ATAD3A: variants seen among roughly 807,000 people sequenced by gnomAD.
ATAD3A encodes the protein ATPase family AAA domain containing 3A.
Under a neutral mutation model 73.8 loss-of-function variants are expected in ATAD3A, and 46 were observed. The ratio of observed to expected loss-of-function variants is 0.62; its 90% CI spans 0.49 to 0.80. The LOEUF (loss-of-function observed/expected upper bound fraction) is 0.80. Among genes scored for constraint, ATAD3A ranks in the 30% least tolerant of loss-of-function variants. The pLI, the probability that ATAD3A is intolerant of heterozygous loss-of-function variation, is 0.00. For missense variants in ATAD3A, 705 were observed against 838.0 expected (o/e 0.84, Z 1.96); for synonymous variants, 319 against 350.0 (o/e 0.91, Z 0.99).
At chr1:1,529,870 G>T (rs927595500) in intron 15 of ATAD3A, among the ~76,000 whole-genome samples, 9 of 152,222 alleles carry the variant, frequency 5.9e-5, no homozygotes, top group African/African-American at 2.2e-4. Flanking sequence ...GGACTCACAG[G>T]AGTGTGGGCG....
At position 1,520,527 on chromosome 1, in the gene ATAD3A, A is replaced by G; in HGVS notation, c.681-21A>G. 6.2e-7 allele frequency: 1 copy of G among 1,614,062 alleles called. No homozygotes were observed. Among genetic ancestry groups the G allele is most frequent in the Non-Finnish European group, 8.5e-7 (1 of 1,179,910 alleles). On this transcript the variant is annotated intron_variant, in intron 6 of 15. Transcript: ENST00000378756. This position sits in a 1 kb window ranked among gnomAD's most constrained non-coding sequence, Gnocchi z 4.0. ...ACGGATCTTCGTGTCCTTCCTGGTCACACCACTGCTTTCCCCGCAGGACGG... is the reference window on the plus strand; with the variant it reads ...ACGGATCTTCGTGTCCTTCCTGGTCGCACCACTGCTTTCCCCGCAGGACGG...
rs1557461339 is a variant in ATAD3A, at chr1:1,518,823, CTCACCCCCCTGCACACTCGGGCACAG to C, written c.445-94_445-69del. On this transcript the variant is annotated intron_variant, in intron 4 of 15. Coordinates refer to ENST00000378756, the MANE Select transcript of ATAD3A (RefSeq NM_001170535.3). ...CCGTCACACCCCGCAAACGGGCACA[CTCACCCCCCTGCACACTCGGGCACAG>C]TCATCCCCCGCACACATGGGCACAG... 1.9e-6 allele frequency: 3 copies of C among 1,603,034 alleles called. No homozygotes were observed. The African/African-American group carries it at 4.1e-5, about 22-fold the overall frequency.
chr1:1,521,973 G>C (rs747139902), intron 7 of ATAD3A, among the ~76,000 whole-genome samples: 3 of 152,308 alleles, frequency 2.0e-5, no homozygotes, highest in East Asian at 3.9e-4. Flanking sequence ...AAGTGATCCA[G>C]CCGTCTTGGC....
In ATAD3A at chr1:1,523,821, C is replaced by A. The variant is rs1641696995; in HGVS notation, c.964-18C>A. The A allele has an allele frequency of 6.2e-7, 1 of 1,613,802 alleles. No individual in the cohort carries two copies. The highest frequency in any genetic ancestry group is 1.3e-5 in the African/African-American group (1 of 75,058). On this transcript the variant is annotated intron_variant, in intron 9 of 15. Coordinates refer to ENST00000378756, the MANE Select transcript of ATAD3A (RefSeq NM_001170535.3). The surrounding 1 kb of genome is among the most constrained non-coding windows in gnomAD (Gnocchi z 5.1). ...TGGGTGCACAGTGTCTCCTCCAAAC[C>A]CCCGTCTTCCCCGGCAGCCCAGCCT...
rs139509505 is a variant in ATAD3A, at chr1:1,527,594, G to T, written c.1338-101G>T. 4.9e-6 allele frequency: 7 copies of T among 1,427,700 alleles called. 1 individual carries two copies. The South Asian group carries it at 5.6e-5, about 11-fold the overall frequency. The allele number at this position is 1,427,700 out of a possible 1,614,324, so 88.4% of individuals were successfully genotyped here. A position where few individuals can be genotyped will look rare whatever the true frequency, so the allele number is the denominator to read the frequency against. Reference sequence around the variant, plus strand: ...CTGTGCCCGTGTCCTCGTGTTTCCCGCCACTTTAGGTTCTCCCTGTGGGGG... The same window carrying T: ...CTGTGCCCGTGTCCTCGTGTTTCCCTCCACTTTAGGTTCTCCCTGTGGGGG... On this transcript the variant is annotated intron_variant, in intron 13 of 15. Coordinates refer to ENST00000378756, the MANE Select transcript of ATAD3A (RefSeq NM_001170535.3).
rs1641695495 is a variant in ATAD3A at position 1,523,782 on chromosome 1, C to A, written c.964-57C>A. ...ACCCAGGCATTCCCGCAGCCCCTTCCCCTGAGGCTTCCATGGGTGCACAGT... is the reference window on the plus strand; with the variant it reads ...ACCCAGGCATTCCCGCAGCCCCTTCACCTGAGGCTTCCATGGGTGCACAGT... On this transcript the variant is annotated intron_variant, in intron 9 of 15. Transcript: ENST00000378756. This position sits in a 1 kb window ranked among gnomAD's most constrained non-coding sequence, Gnocchi z 5.1. The A allele has an allele frequency of 3.1e-6, 5 of 1,611,704 alleles. No homozygotes were observed. Among genetic ancestry groups the A allele is most frequent in the African/African-American group, 1.3e-5 (1 of 74,864 alleles).
Position 1,527,760 on chromosome 1 carries a change from A to G in ATAD3A, c.1403A>G (p.Asn468Ser), listed in dbSNP as rs1570352064. The stretch of plus-strand genomic sequence containing the variant: ...GACTGGGCCATCAATGACCGCATCA[A>G]TGAGATGGTCCACTTCGACCTGCCA... The part of the protein sequence containing the change: ...QFDWAINDRI[N>S]EMVHFDLPGQ... The change falls in exon 14 of 16, where the codon AAT (asparagine) becomes AGT (serine). Residue 468 changes from asparagine to serine, a missense_variant. Physicochemically the swap from Asn to Ser is conservative, Grantham distance 46. Around this residue, in one of 5 missense-constraint regions of ATAD3A, gnomAD observed 252 missense variants for 278.5 expected, o/e 0.90. Transcript: ENST00000378756. The G allele has an allele frequency of 5.6e-6, 9 of 1,613,956 alleles. No individual in the cohort carries two copies. Among genetic ancestry groups the G allele is most frequent in the Admixed American group, 1.7e-5 (1 of 60,022 alleles).
At chr1:1,522,638 G>C in intron 7 of ATAD3A, 106 bp from the exon 8 acceptor site, 1 of 1,561,388 alleles carries the variant, frequency 6.4e-7, no homozygotes, top group African/African-American at 1.3e-5. Context: ...ACGGCCCTGT[G>C]CTTCTCCCTC....
intron 15 of ATAD3A, among the ~76,000 whole-genome samples, chr1:1,533,193 C>A (rs531247447): frequency 2.4e-3 from 367 of 152,316 alleles, no homozygotes; most frequent in African/African-American, 8.3e-3. Flanking sequence ...GGGTCCCCTG[C>A]CCTGTGCTTC....
intron 5 of ATAD3A, among the ~76,000 whole-genome samples, chr1:1,519,579 G>A (rs1409402490): frequency 1.2e-5 from 1 of 80,282 alleles, no homozygotes; most frequent in Non-Finnish European, 2.5e-5. Context: ...CAGGTATTTG[G>A]TGCCATGTGG....
chr1:1,518,936 G>T lies in ATAD3A; in HGVS notation c.460G>T (p.Glu154Ter), dbSNP rs1161463015. ...QLKQQQLLNE[E>*]NLRKQEESVQ... is the part of the protein sequence containing the mutation. The stretch of plus-strand genomic sequence containing the variant: ...TTCTTCTCAGCAACTTCTCAATGAG[G>T]AGAATTTACGGAAGCAGGAGGAGTC... Residue 154 changes from glutamate to a stop codon, truncating the protein, a stop_gained, in exon 5 of 16, where the codon GAG becomes TAG. Transcript: ENST00000378756. LOFTEE classifies it high-confidence loss of function. 6.2e-7 allele frequency: 1 copy of T among 1,614,158 alleles called. No homozygotes were observed. The highest frequency in any genetic ancestry group is 8.5e-7 in the Non-Finnish European group (1 of 1,179,984).
rs539146247 is a variant in ATAD3A at position 1,523,685 on chromosome 1, G to A, written c.963+118G>A. The A allele has an allele frequency of 4.5e-4, 711 of 1,590,924 alleles. 3 individuals carry two copies. Among genetic ancestry groups the A allele is most frequent in the South Asian group, 1.4e-3 (126 of 89,146 alleles). ...CAGGAGCTTTTGGGTCCTGAGATGCGACTGCTTGGACCGTGCTGGGGATAG... is the reference window on the plus strand; with the variant it reads ...CAGGAGCTTTTGGGTCCTGAGATGCAACTGCTTGGACCGTGCTGGGGATAG... On this transcript the variant is annotated intron_variant, in intron 9 of 15. Coordinates refer to ENST00000378756, the MANE Select transcript of ATAD3A (RefSeq NM_001170535.3). This position sits in a 1 kb window ranked among gnomAD's most constrained non-coding sequence, Gnocchi z 5.1.
chr1:1,533,832 C>G, intron 15 of ATAD3A, 94 bp from the exon 16 acceptor site: 1 of 1,469,958 alleles, frequency 6.8e-7, no homozygotes, highest in Non-Finnish European at 9.1e-7. Context: ...CCTGGAGCCC[C>G]TGGTTTGGTC....
chr1:1,533,192 G>T (rs189306501), intron 15 of ATAD3A, among the ~76,000 whole-genome samples: 367 of 152,312 alleles, frequency 2.4e-3, no homozygotes, highest in African/African-American at 8.3e-3. Flanking sequence ...AGGGTCCCCT[G>T]CCCTGTGCTT....
rs759376938 is a variant in ATAD3A at position 1,520,705 on chromosome 1, C to T, written c.750+88C>T. The T allele has an allele frequency of 2.5e-6, 4 of 1,598,376 alleles. No homozygotes were observed. The highest frequency in any genetic ancestry group is 3.4e-6 in the Non-Finnish European group (4 of 1,168,634). On this transcript the variant is annotated intron_variant, in intron 7 of 15. Transcript: ENST00000378756. The surrounding 1 kb of genome is among the most constrained non-coding windows in gnomAD (Gnocchi z 4.0). ...GAGCCCCAGGTCCTGTCCCTGCCGG[C>T]TCTGCACAGCCCTGTAGCTCTCCCA...
intron 15 of ATAD3A, among the ~76,000 whole-genome samples, chr1:1,530,846 A>C (rs1439989508): frequency 6.1e-5 from 6 of 98,924 alleles, no homozygotes; most frequent in Admixed American, 1.1e-4. Flanking sequence ...AAAAAAAAAA[A>C]AAAAAAAAAC....
At chr1:1,529,906 T>C (rs539696125) in intron 15 of ATAD3A, among the ~76,000 whole-genome samples, 1 of 152,286 alleles carries the variant, frequency 6.6e-6, no homozygotes, top group Admixed American at 6.5e-5. Context: ...CTTTGGTCTT[T>C]GGGGGTTGCT....
chr1:1,534,372 C>G lies in ATAD3A; in HGVS notation c.*300C>G. The G allele has an allele frequency of 7.3e-7, 1 of 1,371,368 alleles. No individual in the cohort carries two copies. The highest frequency in any genetic ancestry group is 2.7e-5 in the East Asian group (1 of 37,184). 84.9% of individuals were successfully genotyped at this position (1,371,368 alleles called of 1,614,324 possible). On this transcript the variant is annotated 3_prime_UTR_variant, in exon 16 of 16. Transcript: ENST00000378756. ...GAGGCTTTGCACCCCAGCCCCTGCC[C>G]AGGCCACTGTGAGGGTGGGTGCTGG...
chr1:1,522,573 A>C (rs994300496), intron 7 of ATAD3A, among the ~76,000 whole-genome samples, 171 bp from the exon 8 acceptor site: 3 of 152,158 alleles, frequency 2.0e-5, no homozygotes, highest in African/African-American at 7.2e-5. Context: ...GCCTCCTGTA[A>C]CCGCGTGGCT....
Sources: gnomAD v4.1 joint callset for allele counts (sites outside exome capture counted in the v4.1 genomes callset) on GRCh38, gnomAD v4.1.1 for gene constraint, gnomAD v4.1.1 regional missense constraint, Gnocchi (gnomAD v3.1) non-coding constraint, MANE v1.5 for transcripts, NCBI Gene and HGNC (gene_info 2026-07-23, HGNC 2026-07-21) for gene names.